GPR55: variants seen among roughly 807,000 people sequenced by gnomAD.
GPR55 encodes G protein-coupled receptor 55.
A neutral mutation model predicts 7.9 loss-of-function variants in GPR55; 6 were observed. That is an observed-to-expected ratio of 0.76 (90% CI 0.41 to 1.49). GPR55 has a LOEUF of 1.49. Among genes scored for constraint, GPR55 ranks in the 40% most tolerant of loss-of-function variants. GPR55 has a pLI of 0.01. For synonymous variants in GPR55, 183 were observed against 166.8 expected, an observed-to-expected ratio of 1.10 and a Z score of -0.75; for missense variants, 376 against 406.0, an observed-to-expected ratio of 0.93 and a Z score of 0.63.
chr2:230,916,700 T>G (rs1690725447), intron 1 of GPR55, among the ~76,000 whole-genome samples: 1 of 148,372 alleles, frequency 6.7e-6, no homozygotes, highest in African/African-American at 2.5e-5. Context: ...TTCTATTCTG[T>G]TTTTTTTTTA....
At chr2:230,940,069 C>G (rs569619487) in intron 1 of GPR55, among the ~76,000 whole-genome samples, 12 of 152,256 alleles carry the variant, frequency 7.9e-5, no homozygotes, top group African/African-American at 2.9e-4. Context: ...AGCTACGTGG[C>G]CCCCCTGGAG....
In GPR55 at chr2:230,911,999, C is replaced by T. The variant is rs773099093; in HGVS notation, c.-134-903G>A. On this transcript the variant is annotated intron_variant, in intron 1 of 1. Coordinates refer to ENST00000650999, the MANE Select transcript of GPR55 (RefSeq NM_005683.4). ...AATCCAGGCATCCAGAACCAGGTTGCTAGAAGGACTCAAATACGACCCAAC... is the reference window on the plus strand; with the variant it reads ...AATCCAGGCATCCAGAACCAGGTTGTTAGAAGGACTCAAATACGACCCAAC... Among the ~76,000 whole-genome samples the T allele has an allele frequency of 2.0e-5, 3 of 152,152 alleles. 1 individual carries two copies. Among genetic ancestry groups the T allele is most frequent in the Non-Finnish European group, 2.9e-5 (2 of 68,014 alleles).
At chr2:230,912,432 T>C (rs1482294998) in intron 1 of GPR55, among the ~76,000 whole-genome samples, 2 of 152,132 alleles carry the variant, frequency 1.3e-5, no homozygotes, top group Non-Finnish European at 2.9e-5. Context: ...TTTTTATTTT[T>C]ATTTTTATTG....
At position 230,908,575 on chromosome 2, in the gene GPR55, C is replaced by T. The variant is rs538071357; in HGVS notation, c.*1428G>A. 1 of 153,500 alleles carries T rather than the reference C, an allele frequency of 6.5e-6. No individual in the cohort carries two copies. Among genetic ancestry groups the T allele is most frequent in the African/African-American group, 2.4e-5 (1 of 41,544 alleles). 9.5% of individuals were successfully genotyped at this position (153,500 alleles called of 1,614,324 possible). A position where few individuals can be genotyped will look rare whatever the true frequency, so the allele number is the denominator to read the frequency against. ...TTTATCCAAATGCTTCTCTTCTTCC[C>T]CTCAGGTCACCACCCCTCCCAAGCC... On this transcript the variant is annotated 3_prime_UTR_variant, in exon 2 of 2. Transcript: ENST00000650999.
At chr2:230,922,802 C>T (rs749810426) in intron 1 of GPR55, among the ~76,000 whole-genome samples, 3 of 152,074 alleles carry the variant, frequency 2.0e-5, no homozygotes, top group Admixed American at 1.3e-4. Flanking sequence ...CTCGAACTCC[C>T]GACCTCAGGT....
intron 1 of GPR55, 99 bp from the exon 2 acceptor site, chr2:230,911,195 C>T: frequency 1.9e-6 from 1 of 538,950 alleles, no homozygotes; most frequent in Non-Finnish European, 3.4e-6. Context: ...TTCTCACTCT[C>T]TTTCTACCAT....
intron 1 of GPR55, among the ~76,000 whole-genome samples, chr2:230,940,170 C>A (rs1321865589): frequency 6.6e-6 from 1 of 152,032 alleles, no homozygotes; most frequent in African/African-American, 2.4e-5. Flanking sequence ...TCAGCCTGCA[C>A]CTGGACCAGA....
intron 1 of GPR55, among the ~76,000 whole-genome samples, chr2:230,954,855 C>T (rs1226250066): frequency 6.6e-6 from 1 of 152,132 alleles, no homozygotes; most frequent in African/African-American, 2.4e-5. Context: ...GCTTCCATGC[C>T]ACTTGCACTC....
chr2:230,929,524 T>C (rs1690998112), upstream of GPR55: 1 of 152,206 alleles, frequency 6.6e-6, no homozygotes, highest in African/African-American at 2.4e-5. Context: ...ACATCAAGGT[T>C]ACAGGAGAAG....
Position 230,910,118 on chromosome 2 carries a change from C to A in GPR55, c.845G>T (p.Cys282Phe). 1.9e-6 allele frequency: 3 copies of A among 1,614,170 alleles called. No individual in the cohort carries two copies. The highest frequency in any genetic ancestry group is 2.2e-5 in the South Asian group (2 of 91,076). The change falls in exon 2 of 2, where the codon TGC becomes TTC. Residue 282 changes from cysteine to phenylalanine, a missense_variant. Transcript: ENST00000650999. The surrounding 1 kb of genome is among the most constrained non-coding windows in gnomAD (Gnocchi z 5.4). ...AAAGTAGTAGCAGAAAACATCCAGG[C>A]AGCAGTTGACGTTGGAGAAACACAT... ...LSMCFSNVNC[C>F]LDVFCYYFVI... is the part of the protein sequence containing the mutation.
At chr2:230,912,637 A>G (rs1359662102) in intron 1 of GPR55, among the ~76,000 whole-genome samples, 4 of 152,152 alleles carry the variant, frequency 2.6e-5, no homozygotes, top group East Asian at 3.9e-4. Context: ...ATCAGTTTTC[A>G]CCATGTTGAC....
chr2:230,959,741 C>T lies in GPR55; in HGVS notation c.-135+1034G>A, dbSNP rs149286187. On this transcript the variant is annotated intron_variant, in intron 1 of 1. Transcript: ENST00000392039. ...GATTTTTGTTGATTGCTAAACAACC[C>T]TTCATCCTTCTCTCTGAGTATTAGC... is the stretch of plus-strand genomic sequence containing the variant. Among the ~76,000 whole-genome samples the T allele has an allele frequency of 2.1e-3, 318 of 152,166 alleles. 2 individuals carry two copies. The highest frequency in any genetic ancestry group is 7.4e-3 in the African/African-American group (306 of 41,510).
chr2:230,957,975 C>G, intron 1 of GPR55: 3 of 439,202 alleles, frequency 6.8e-6, no homozygotes, highest in South Asian at 5.6e-5. Flanking sequence ...GCATAGAAAT[C>G]AGACTCCCTG....
In GPR55 at chr2:230,909,661, T is replaced by C. The variant is rs1231703953; in HGVS notation, c.*342A>G. Reference sequence around the variant, plus strand: ...TCTCTTTCTTTCCAGAACCTCCCAGTCGAACAGGAAAATGGGGAGAGTTGG... The same window carrying C: ...TCTCTTTCTTTCCAGAACCTCCCAGCCGAACAGGAAAATGGGGAGAGTTGG... On this transcript the variant is annotated 3_prime_UTR_variant, in exon 2 of 2. Transcript: ENST00000650999. The C allele has an allele frequency of 4.4e-6, 1 of 227,014 alleles. No individual in the cohort carries two copies. The highest frequency in any genetic ancestry group is 8.7e-6 in the Non-Finnish European group (1 of 114,922). 14.1% of individuals were successfully genotyped at this position (227,014 alleles called of 1,614,324 possible). A position where few individuals can be genotyped will look rare whatever the true frequency, so the allele number is the denominator to read the frequency against.
chr2:230,946,543 A>G (rs1219571547), intron 1 of GPR55, among the ~76,000 whole-genome samples: 2 of 152,220 alleles, frequency 1.3e-5, no homozygotes, highest in Admixed American at 6.5e-5. Context: ...TGTGGAGAAA[A>G]AAGTGTCCTC....
At chr2:230,940,349 G>T (rs1691206586) in intron 1 of GPR55, among the ~76,000 whole-genome samples, 1 of 152,148 alleles carries the variant, frequency 6.6e-6, no homozygotes, top group Admixed American at 6.5e-5. Context: ...ATAATCATCT[G>T]CAGATTCAAG....
intron 1 of GPR55, among the ~76,000 whole-genome samples, chr2:230,916,257 C>T (rs1001913940): frequency 1.3e-5 from 2 of 151,896 alleles, no homozygotes; most frequent in African/African-American, 2.4e-5. Flanking sequence ...TGTGGTGGCT[C>T]GTGCCTGTAG....
At chr2:230,945,558 A>C (rs1052133287) in intron 1 of GPR55, among the ~76,000 whole-genome samples, 1 of 152,244 alleles carries the variant, frequency 6.6e-6, no homozygotes, top group Non-Finnish European at 1.5e-5. Context: ...GGACGATATT[A>C]CAGATTCACT....
At position 230,954,881 on chromosome 2, in the gene GPR55, G is replaced by T. The variant is rs1691456622; in HGVS notation, c.-135+5894C>A. Among the ~76,000 whole-genome samples, 6 of 152,228 alleles carry T rather than the reference G, an allele frequency of 3.9e-5. No homozygotes were observed. In the South Asian group the frequency reaches 1.0e-3, roughly 26 times the overall value. On this transcript the variant is annotated intron_variant, in intron 1 of 1. Transcript: ENST00000392039. ...ACTTGCACTCTTTCAAAAAAGTCAT[G>T]ACAGACATCACTAATCAATTACTGT...
Sources: allele counts gnomAD v4.1 joint callset (sites outside exome capture counted in the v4.1 genomes callset), GRCh38; gene constraint gnomAD v4.1.1; non-coding constraint Gnocchi (gnomAD v3.1); transcripts MANE v1.5; gene names NCBI Gene and HGNC (gene_info 2026-07-23, HGNC 2026-07-21).